COL13A1: variants seen among roughly 807,000 people sequenced by gnomAD.
COL13A1 encodes the protein collagen type XIII alpha 1 chain, also known as collagen alpha-1(XIII) chain.
A neutral mutation model predicts 130.9 loss-of-function variants in COL13A1; 89 were observed. The observed-to-expected ratio is 0.68, with a 90% CI of 0.57 to 0.81. The LOEUF is 0.81. COL13A1 is among the 30% of genes least tolerant of loss of function. The probability of loss-of-function intolerance (pLI) is 0.00; values close to 1 mark genes in which losing one functional copy is unlikely to be tolerated. For synonymous variants in COL13A1, 402 were observed against 341.6 expected (o/e 1.18, Z -1.95); for missense variants, 879 against 934.6 (o/e 0.94, Z 0.78).
rs542289127 is a variant in COL13A1, at chr10:69,952,046, A to G, written c.2059-836A>G. On this transcript the variant is annotated intron_variant, in intron 38 of 40. Transcript: ENST00000645393. ...TCTGACACATACAATATAGGATTCA[A>G]TTTAGAAAAATGATGTTTACTGTAG... Among the ~76,000 whole-genome samples the G allele has an allele frequency of 3.9e-5, 6 of 152,390 alleles. No homozygotes were observed. In the East Asian group the frequency reaches 1.2e-3, roughly 29 times the overall value.
At chr10:69,839,920 G>A (rs1010954517) in intron 2 of COL13A1, among the ~76,000 whole-genome samples, 4 of 152,212 alleles carry the variant, frequency 2.6e-5, no homozygotes, top group African/African-American at 9.7e-5. Flanking sequence ...AGGAGGGGGA[G>A]CCACCGGCTC....
intron 7 of COL13A1, among the ~76,000 whole-genome samples, chr10:69,881,963 C>T (rs61856614): frequency 0.024 from 3,584 of 152,328 alleles, 61 homozygotes; most frequent in Non-Finnish European, 0.041. Flanking sequence ...GTTCCTGCTG[C>T]AGTCATAGAC....
chr10:69,887,532 CTG>C, intron 8 of COL13A1, 41 bp downstream of exon 8: 1 of 1,608,850 alleles, frequency 6.2e-7, no homozygotes, highest in Non-Finnish European at 8.5e-7. Flanking sequence ...CCCAGGTGGT[CTG>C]TAGGCCTGAT....
At chr10:69,872,240 GC>G in intron 4 of COL13A1, 30 bp downstream of exon 4, 1 of 1,613,494 alleles carries the variant, frequency 6.2e-7, no homozygotes, top group Non-Finnish European at 8.5e-7. Flanking sequence ...TCTTTCCTTT[GC>G]ATCTCTTTTA....
chr10:69,851,665 G>GT (rs1322774873), intron 2 of COL13A1, among the ~76,000 whole-genome samples: 2 of 151,858 alleles, frequency 1.3e-5, no homozygotes, highest in Non-Finnish European at 1.5e-5. Flanking sequence ...GTTTTGTTTT[G>GT]TTTTTTTGAG....
At chr10:69,955,375 G>A (rs1434820126) in intron 39 of COL13A1, 2 of 152,546 alleles carry the variant, frequency 1.3e-5, no homozygotes, top group Non-Finnish European at 2.9e-5. Flanking sequence ...TGGGAATGCC[G>A]CTCTGGCCCG....
intron 17 of COL13A1, among the ~76,000 whole-genome samples, chr10:69,909,427 C>G (rs147427611): frequency 6.6e-6 from 1 of 152,252 alleles, no homozygotes; most frequent in South Asian, 2.1e-4. Context: ...ATTGCTTCCA[C>G]TGCTCCCAAC....
chr10:69,871,073 C>T (rs1403697920), intron 3 of COL13A1, among the ~76,000 whole-genome samples: 1 of 152,154 alleles, frequency 6.6e-6, no homozygotes. Flanking sequence ...GGACCCTCCT[C>T]ACCCTGGCGC....
chr10:69,891,499 G>A (rs1019585951), intron 10 of COL13A1, among the ~76,000 whole-genome samples: 6 of 152,186 alleles, frequency 3.9e-5, no homozygotes, highest in Non-Finnish European at 5.9e-5. Flanking sequence ...AAGAGCTGGC[G>A]CTGGAATCCA....
chr10:69,928,142 ACT>A (rs1407665390), intron 27 of COL13A1, among the ~76,000 whole-genome samples: 2 of 152,084 alleles, frequency 1.3e-5, no homozygotes, highest in African/African-American at 4.8e-5. Flanking sequence ...ACAGAGTGAG[ACT>A]CTGTCTTAAT....
chr10:69,810,184 T>C (rs529764492), intron 1 of COL13A1, among the ~76,000 whole-genome samples: 1 of 152,240 alleles, frequency 6.6e-6, no homozygotes, highest in East Asian at 1.9e-4. Flanking sequence ...CTTGTACGGG[T>C]GATGCTGGTT....
intron 2 of COL13A1, among the ~76,000 whole-genome samples, chr10:69,829,063 AC>A (rs1465343019): frequency 2.0e-5 from 3 of 151,954 alleles, no homozygotes; most frequent in Admixed American, 6.6e-5. Context: ...GAAAGCCAGC[AC>A]CTTCCCCCCA....
In COL13A1 at chr10:69,875,052, A is replaced by G. The variant is rs769479601; in HGVS notation, c.400-76A>G. 94 of 1,592,428 alleles carry G rather than the reference A, an allele frequency of 5.9e-5. 1 individual carries two copies. Among genetic ancestry groups the G allele is most frequent in the Non-Finnish European group, 7.7e-5 (89 of 1,161,516 alleles). On this transcript the variant is annotated intron_variant, in intron 4 of 40. Coordinates refer to ENST00000645393, the MANE Select transcript of COL13A1 (RefSeq NM_001368882.1). Reference sequence around the variant, plus strand: ...TAGCTGTGCCCTAAATCAGGTGCACAGTTTGCCTATAGGGTCCTTCACATG... The same window carrying G: ...TAGCTGTGCCCTAAATCAGGTGCACGGTTTGCCTATAGGGTCCTTCACATG...
At chr10:69,863,040 G>C (rs1858640203) in intron 2 of COL13A1, among the ~76,000 whole-genome samples, 1 of 152,224 alleles carries the variant, frequency 6.6e-6, no homozygotes, top group East Asian at 1.9e-4. Flanking sequence ...CCACGGGTAA[G>C]GGCGTGCGTC....
At chr10:69,876,525 A>G (rs1274640465) in intron 5 of COL13A1, among the ~76,000 whole-genome samples, 1 of 152,080 alleles carries the variant, frequency 6.6e-6, no homozygotes, top group Non-Finnish European at 1.5e-5. Flanking sequence ...GGGCCGCCCC[A>G]CGAGAAGCTC....
chr10:69,936,711 A>G (rs779280337), intron 32 of COL13A1, 45 bp from the exon 33 acceptor site: 4 of 1,612,564 alleles, frequency 2.5e-6, no homozygotes, highest in Non-Finnish European at 3.4e-6. Flanking sequence ...AGTTGTGTTA[A>G]CTAGAGATGC....
At chr10:69,931,088 G>A (rs1319816266) in intron 30 of COL13A1, 2 of 444,544 alleles carry the variant, frequency 4.5e-6, no homozygotes, top group Non-Finnish European at 9.1e-6. Context: ...CACATCCTGT[G>A]CAGGCCACAG....
chr10:69,888,379 C>T, intron 9 of COL13A1, 49 bp downstream of exon 9: 1 of 1,599,944 alleles, frequency 6.3e-7, no homozygotes, highest in East Asian at 2.2e-5. Context: ...GATCCTGGAT[C>T]TCTTGGTCAT....
At chr10:69,822,318 C>T in intron 1 of COL13A1, 51 bp from the exon 2 acceptor site, 4 of 1,435,170 alleles carry the variant, frequency 2.8e-6, no homozygotes, top group Non-Finnish European at 2.8e-6. Flanking sequence ...CTTTCCAGGG[C>T]TTGGTGTCTA....
Sources: gnomAD v4.1 joint callset for allele counts (sites outside exome capture counted in the v4.1 genomes callset) on GRCh38, gnomAD v4.1.1 for gene constraint, MANE v1.5 for transcripts, NCBI Gene and HGNC (gene_info 2026-07-23, HGNC 2026-07-21) for gene names.